HIVEP3: variants seen among roughly 807,000 people sequenced by gnomAD.
The protein encoded by HIVEP3 is HIVEP zinc finger 3.
A neutral mutation model predicts 152.8 loss-of-function variants in HIVEP3; 49 were observed. The ratio of observed to expected loss-of-function variants is 0.32; its 90% CI spans 0.26 to 0.41. The LOEUF is 0.41. HIVEP3 is among the 10% of genes least tolerant of loss of function. HIVEP3 has a pLI of 1.00. For synonymous variants in HIVEP3, 1,269 were observed against 1,289.0 expected (o/e 0.98, Z 0.33); for missense variants, 2,790 against 3,103.3 (o/e 0.90, Z 2.40).
chr1:41,871,259 C>G (rs1186120849), intron 1 of HIVEP3, among the ~76,000 whole-genome samples: 1 of 152,162 alleles, frequency 6.6e-6, no homozygotes, highest in African/African-American at 2.4e-5. Context: ...AATTAAGGGC[C>G]AGGTCAAACA....
At chr1:41,844,183 T>C (rs183657826) in intron 1 of HIVEP3, among the ~76,000 whole-genome samples, 34 of 152,170 alleles carry the variant, frequency 2.2e-4, no homozygotes, top group African/African-American at 7.9e-4. Flanking sequence ...CAAGTCCACC[T>C]CCACTGCAAA....
chr1:41,532,888 G>A lies in HIVEP3; in HGVS notation c.5208-7978C>T, dbSNP rs115448148. On this transcript the variant is annotated intron_variant, in intron 5 of 8. Coordinates refer to ENST00000372583, the MANE Select transcript of HIVEP3 (RefSeq NM_024503.5). ...CCACAAGACAGAAGAGGGTAGTGCC[G>A]ACGGCAGAGACCTGGGTGGCACCCA... is the stretch of plus-strand genomic sequence containing the variant. Among the ~76,000 whole-genome samples the A allele has an allele frequency of 4.6e-3, 704 of 152,276 alleles. 2 individuals carry two copies. The highest frequency in any genetic ancestry group is 0.015 in the African/African-American group (631 of 41,540).
At chr1:41,917,766 G>T (rs1239486948) in intron 1 of HIVEP3, among the ~76,000 whole-genome samples, 1 of 152,090 alleles carries the variant, frequency 6.6e-6, no homozygotes, top group African/African-American at 2.4e-5. Context: ...ATAGGAGTTT[G>T]GTTTGGGTTT....
intron 2 of HIVEP3, among the ~76,000 whole-genome samples, chr1:41,633,758 T>C (rs1024865141): frequency 5.9e-5 from 9 of 152,138 alleles, no homozygotes; most frequent in African/African-American, 1.9e-4. Flanking sequence ...AGCCCCCACA[T>C]TGACACACCC....
In HIVEP3 at chr1:41,527,706, C is replaced by T. The variant is rs545547334; in HGVS notation, c.5208-2796G>A. Among the ~76,000 whole-genome samples the T allele has an allele frequency of 3.7e-3, 518 of 138,788 alleles. 4 individuals carry two copies. Among genetic ancestry groups the T allele is most frequent in the Non-Finnish European group, 6.4e-3 (408 of 63,490 alleles). 91.1% of individuals were successfully genotyped at this position (138,788 alleles called of 152,430 possible). ...CCCTCATGCTCACCCTCACACACCC[C>T]CACCCTCACATGCTCACCCTCACAC... On this transcript the variant is annotated intron_variant, in intron 5 of 8. Transcript: ENST00000372583.
upstream of HIVEP3, among the ~76,000 whole-genome samples, chr1:41,920,250 C>G (rs894600269): frequency 1.3e-5 from 2 of 152,176 alleles, no homozygotes; most frequent in Admixed American, 1.3e-4. Flanking sequence ...ACCAGCCACA[C>G]AGCGTGGAGC....
At chr1:41,650,669 C>T (rs1236904288) in intron 2 of HIVEP3, among the ~76,000 whole-genome samples, 1 of 151,856 alleles carries the variant, frequency 6.6e-6, no homozygotes, top group Non-Finnish European at 1.5e-5. Flanking sequence ...GCATAGTTCA[C>T]TGGGCTTGTT....
intron 1 of HIVEP3, among the ~76,000 whole-genome samples, chr1:41,883,049 T>C (rs1340274520): frequency 6.6e-6 from 1 of 152,080 alleles, no homozygotes; most frequent in Non-Finnish European, 1.5e-5. Context: ...GAAGTCTAAA[T>C]GGAGTAAGAG....
chr1:41,640,857 G>A (rs1429548079), intron 2 of HIVEP3, among the ~76,000 whole-genome samples: 1 of 152,232 alleles, frequency 6.6e-6, no homozygotes, highest in Non-Finnish European at 1.5e-5. Flanking sequence ...GATGTGGACA[G>A]CCTTGCACTG....
intron 1 of HIVEP3, 84 bp from the exon 2 acceptor site, chr1:41,701,079 G>T: frequency 3.8e-6 from 2 of 524,512 alleles, no homozygotes; most frequent in African/African-American, 2.1e-5. Context: ...ACCCAAAAAT[G>T]GTGAGCACAG....
intron 3 of HIVEP3, among the ~76,000 whole-genome samples, chr1:41,603,635 C>T (rs1570076299): frequency 2.0e-5 from 3 of 152,312 alleles, no homozygotes; most frequent in South Asian, 4.1e-4. Flanking sequence ...GCTGGGATTA[C>T]AGGTGTGAGC....
chr1:41,559,779 C>T (rs913049238), intron 5 of HIVEP3, among the ~76,000 whole-genome samples: 7 of 152,154 alleles, frequency 4.6e-5, no homozygotes, highest in Admixed American at 2.0e-4. Context: ...TGAGGAATTA[C>T]GATTAAGTGA....
At chr1:41,677,664 G>C (rs543970190) in intron 2 of HIVEP3, among the ~76,000 whole-genome samples, 1 of 152,356 alleles carries the variant, frequency 6.6e-6, no homozygotes, top group Admixed American at 6.5e-5. Context: ...AAGAAGAGAG[G>C]AATGTGTGAC....
At chr1:42,012,757 G>A (rs1208196633) in intron 1 of HIVEP3, among the ~76,000 whole-genome samples, 1 of 152,092 alleles carries the variant, frequency 6.6e-6, no homozygotes, top group Non-Finnish European at 1.5e-5. Flanking sequence ...TTGCCATACT[G>A]TAAAAGGCAG....
chr1:41,921,199 A>T (rs1465514054), upstream of HIVEP3, among the ~76,000 whole-genome samples: 2 of 152,216 alleles, frequency 1.3e-5, no homozygotes, highest in African/African-American at 4.8e-5. Flanking sequence ...GGAAGATACA[A>T]AGTAGATGGG....
intron 1 of HIVEP3, among the ~76,000 whole-genome samples, chr1:41,818,056 T>A (rs1431055791): frequency 6.6e-6 from 1 of 152,144 alleles, no homozygotes; most frequent in Non-Finnish European, 1.5e-5. Flanking sequence ...GGAGAAGGCA[T>A]CTGCGATGTC....
At chr1:41,946,474 T>C (rs2124488629) in intron 1 of HIVEP3, among the ~76,000 whole-genome samples, 1 of 152,294 alleles carries the variant, frequency 6.6e-6, no homozygotes, top group African/African-American at 2.4e-5. Flanking sequence ...GAGGGGGTCC[T>C]AGGACAGCCA....
chr1:41,534,240 A>G (rs901222717), intron 5 of HIVEP3, among the ~76,000 whole-genome samples: 3 of 151,988 alleles, frequency 2.0e-5, no homozygotes, highest in Admixed American at 1.3e-4. Context: ...TGCTTCTCCC[A>G]CTACCATCGG....
chr1:41,723,056 A>G (rs1219480798), intron 1 of HIVEP3, among the ~76,000 whole-genome samples: 1 of 152,156 alleles, frequency 6.6e-6, no homozygotes, highest in Non-Finnish European at 1.5e-5. Flanking sequence ...ATGGGGAGCT[A>G]TTAAAGGATT....
Sources: allele counts gnomAD v4.1 joint callset (sites outside exome capture counted in the v4.1 genomes callset), GRCh38; gene constraint gnomAD v4.1.1; transcripts MANE v1.5; gene names NCBI Gene and HGNC (gene_info 2026-07-23, HGNC 2026-07-21).